The following AGMAT variants were observed in gnomAD, a reference collection of about 807,000 sequenced individuals.
AGMAT encodes the protein agmatinase (putative).
AGMAT carries 37 observed loss-of-function variants against 29.3 expected under a neutral mutation model. The observed-to-expected ratio is 1.26, with a 90% CI of 0.97 to 1.66. The LOEUF is 1.66. Among genes scored for constraint, AGMAT ranks in the 40% most tolerant of loss-of-function variants. The pLI is 0.00. For missense variants in AGMAT, 498 were observed against 497.8 expected, an observed-to-expected ratio of 1.00 and a Z score of 0.00; for synonymous variants, 199 against 200.8, an observed-to-expected ratio of 0.99 and a Z score of 0.08.
At chr1:15,579,354 G>T (rs578259912) in intron 3 of AGMAT, among the ~76,000 whole-genome samples, 1 of 152,272 alleles carries the variant, frequency 6.6e-6, no homozygotes, top group East Asian at 1.9e-4. Flanking sequence ...AGGGGAGCTT[G>T]GCTGAAGGCT....
intron 3 of AGMAT, among the ~76,000 whole-genome samples, chr1:15,579,400 G>A (rs1639082954): frequency 6.6e-6 from 1 of 152,130 alleles, no homozygotes; most frequent in Non-Finnish European, 1.5e-5. Context: ...TCCAACCGAG[G>A]AAGAGGAAGC....
chr1:15,573,436 C>T lies in AGMAT; in HGVS notation c.*215G>A, dbSNP rs554869216. 2.5e-4 allele frequency: 131 copies of T among 523,016 alleles called. 1 individual carries two copies. Among genetic ancestry groups the T allele is most frequent in the Non-Finnish European group, 4.1e-4 (117 of 286,254 alleles). The allele number at this position is 523,016 out of a possible 1,614,324, so 32.4% of individuals were successfully genotyped here. ...AAAAAAAATCAAAGCAGTACAAGTA[C>T]TCCTTTTTTTTTCCCCCAATTAATC... On this transcript the variant is annotated 3_prime_UTR_variant, in exon 7 of 7. Transcript: ENST00000375826.
At chr1:15,578,749 G>A in intron 4 of AGMAT, 110 bp downstream of exon 4, 1 of 1,233,726 alleles carries the variant, frequency 8.1e-7, no homozygotes, top group Non-Finnish European at 1.1e-6. Context: ...TTGTATCCCT[G>A]CTTCAGACTT....
At chr1:15,584,509 C>A (rs1206250680) in intron 1 of AGMAT, among the ~76,000 whole-genome samples, 187 bp downstream of exon 1, 1 of 152,116 alleles carries the variant, frequency 6.6e-6, no homozygotes, top group African/African-American at 2.4e-5. Context: ...ATGTTGAGCC[C>A]TGGGGTTTGC....
intron 5 of AGMAT, among the ~76,000 whole-genome samples, chr1:15,576,740 C>CTTTTTTTTTTTTTTGTTTTTTTT (rs1639044529): frequency 2.8e-5 from 1 of 35,796 alleles, no homozygotes; most frequent in Non-Finnish European, 5.0e-5. Context: ...GTTTAGTGTT[C>CTTTTTTTTTTTTTTGTTTTTTTT]TTTTTTTTTT....
intron 5 of AGMAT, chr1:15,575,496 CT>C (rs565779361): frequency 3.9e-4 from 59 of 152,466 alleles, no homozygotes; most frequent in African/African-American, 1.3e-3. Context: ...TTTAAGCAGT[CT>C]TCATTCATTT....
At chr1:15,584,457 TTC>T (rs1189604581) in intron 1 of AGMAT, among the ~76,000 whole-genome samples, 1 of 152,100 alleles carries the variant, frequency 6.6e-6, no homozygotes, top group Non-Finnish European at 1.5e-5. Context: ...CCAAAATCCC[TTC>T]TTGACCAATG....
rs1372036309 is a variant in AGMAT at position 15,577,697 on chromosome 1, G to A, written c.888C>T (p.Leu296=). 27 of 1,613,644 alleles carry A rather than the reference G, an allele frequency of 1.7e-5. No homozygotes were observed. The highest frequency in any genetic ancestry group is 2.3e-5 in the Non-Finnish European group (27 of 1,179,602). Reference sequence around the variant, plus strand: ...GGAATCTCCTTACCTGACTAGGAGTGAGACCAGCAATTTCAGGTGTCCCTG... The same window carrying A: ...GGAATCTCCTTACCTGACTAGGAGTAAGACCAGCAATTTCAGGTGTCCCTG... ...PGTGTPEIAG[L]TPSQALEIIR... Residue 296 remains leucine (L), a synonymous_variant, in exon 5 of 7, where the codon CTC becomes CTT. Coordinates refer to ENST00000375826, the MANE Select transcript of AGMAT (RefSeq NM_024758.5).
At chr1:15,581,081 G>C (rs1003994395) in intron 2 of AGMAT, among the ~76,000 whole-genome samples, 1 of 152,044 alleles carries the variant, frequency 6.6e-6, no homozygotes, top group Admixed American at 6.6e-5. Context: ...AATAAAAATA[G>C]ACCAGGCGCA....
At position 15,573,564 on chromosome 1, in the gene AGMAT, C is replaced by G. The variant is rs1441317027; in HGVS notation, c.*87G>C. ...CAGCAGAAAGTTTTCTTGGCATAAACTCTTTAGTTCTCAGACTGCTTACTC... is the reference window on the plus strand; with the variant it reads ...CAGCAGAAAGTTTTCTTGGCATAAAGTCTTTAGTTCTCAGACTGCTTACTC... On this transcript the variant is annotated 3_prime_UTR_variant, in exon 7 of 7. Coordinates refer to ENST00000375826, the MANE Select transcript of AGMAT (RefSeq NM_024758.5). The G allele has an allele frequency of 7.9e-7, 1 of 1,273,618 alleles. No homozygotes were observed. Among genetic ancestry groups the G allele is most frequent in the African/African-American group, 1.5e-5 (1 of 67,690 alleles). The allele number at this position is 1,273,618 out of a possible 1,614,324, so 78.9% of individuals were successfully genotyped here.
chr1:15,583,512 G>T, intron 1 of AGMAT, 117 bp from the exon 2 acceptor site: 1 of 942,234 alleles, frequency 1.1e-6, no homozygotes, highest in Non-Finnish European at 1.6e-6. Flanking sequence ...TCGCGGCATT[G>T]CATAATGGAA....
At chr1:15,577,990 T>G (rs1198649746) in intron 4 of AGMAT, 126 bp from the exon 5 acceptor site, 3 of 936,838 alleles carry the variant, frequency 3.2e-6, no homozygotes, top group Non-Finnish European at 4.7e-6. Flanking sequence ...GAGGGAACTA[T>G]CCTATTTTAC....
chr1:15,584,561 G>C (rs1639158722), intron 1 of AGMAT, 135 bp downstream of exon 1: 3 of 948,576 alleles, frequency 3.2e-6, no homozygotes, highest in Non-Finnish European at 4.1e-6. Flanking sequence ...AAACCATAAG[G>C]GGCATTTTGG....
chr1:15,575,520 C>CT (rs1020788571), intron 5 of AGMAT: 19 of 152,424 alleles, frequency 1.2e-4, no homozygotes, highest in African/African-American at 4.6e-4. Context: ...TCTCAAATGT[C>CT]TTTGAGTGCC....
chr1:15,578,864 T>C lies in AGMAT; in HGVS notation c.715A>G (p.Ser239Gly). The change falls in exon 4 of 7, where the codon AGC (serine) becomes GGC (glycine). Residue 239 changes from serine to glycine, a missense_variant. Ser to Gly is a moderately conservative substitution (Grantham distance 56). Coordinates refer to ENST00000375826, the MANE Select transcript of AGMAT (RefSeq NM_024758.5). ...TTLDPYRYNRSQGFRVVLAED... is the reference protein window; with the variant it reads ...TTLDPYRYNRGQGFRVVLAED... Reference sequence around the variant, plus strand: ...GGGGGCATTCGGTCTGTCACCTGGCTCCGGTTGTATCTGTAGGGATCCAAG... The same window carrying C: ...GGGGGCATTCGGTCTGTCACCTGGCCCCGGTTGTATCTGTAGGGATCCAAG... 1 of 1,613,548 alleles carries C rather than the reference T, an allele frequency of 6.2e-7. No individual in the cohort carries two copies. The highest frequency in any genetic ancestry group is 8.5e-7 in the Non-Finnish European group (1 of 1,179,590).
At chr1:15,577,898 A>C (rs1226464330) in intron 4 of AGMAT, 34 bp from the exon 5 acceptor site, 1 of 1,600,334 alleles carries the variant, frequency 6.2e-7, no homozygotes, top group Admixed American at 1.7e-5. Flanking sequence ...TCTGTCTGGC[A>C]GCATTTACAG....
intron 6 of AGMAT, 123 bp downstream of exon 6, chr1:15,574,634 T>C (rs1259780149): frequency 1.2e-6 from 1 of 844,298 alleles, no homozygotes; most frequent in Non-Finnish European, 1.9e-6. Flanking sequence ...CACCTTGGCC[T>C]CCCAAAGTGC....
In AGMAT at chr1:15,577,837, A is replaced by T. The variant is rs1249639210; in HGVS notation, c.748T>A (p.Cys250Ser). The change falls in exon 5 of 7, where the codon TGC (cysteine) becomes AGC (serine). Residue 250 changes from cysteine to serine, a missense_variant. Physicochemically the swap from Cys to Ser is moderately radical, Grantham distance 112. Transcript: ENST00000375826. ...QGFRVVLAED[C>S]WMKSLVPLMG... ...AGAGGAACCAGCGACTTCATCCAGC[A>T]GTCTTCAGCCAGGACTACCCGGAAG... is the stretch of plus-strand genomic sequence containing the variant. The T allele has an allele frequency of 1.6e-5, 26 of 1,614,086 alleles. No individual in the cohort carries two copies. Among genetic ancestry groups the T allele is most frequent in the Non-Finnish European group, 2.0e-5 (24 of 1,180,036 alleles).
At chr1:15,582,602 CA>C (rs1363203438) in intron 2 of AGMAT, among the ~76,000 whole-genome samples, 1 of 152,152 alleles carries the variant, frequency 6.6e-6, no homozygotes, top group Non-Finnish European at 1.5e-5. Context: ...GAGAGTGGGT[CA>C]GGGGTGAGGA....
Sources: allele counts gnomAD v4.1 joint callset (sites outside exome capture counted in the v4.1 genomes callset), GRCh38; gene constraint gnomAD v4.1.1; transcripts MANE v1.5; gene names NCBI Gene and HGNC (gene_info 2026-07-23, HGNC 2026-07-21).